The following SLC2A9 variants were observed in gnomAD, a reference collection of about 807,000 sequenced individuals.
SLC2A9 encodes the protein solute carrier family 2, facilitated glucose transporter member 9.
Under a neutral mutation model 50.6 loss-of-function variants are expected in SLC2A9, and 39 were observed. The observed-to-expected ratio is 0.77, with a 90% CI of 0.60 to 1.01. SLC2A9 has a LOEUF of 1.01. SLC2A9 is among the 50% of genes least tolerant of loss of function. SLC2A9 has a pLI of 0.00. For missense variants in SLC2A9, 686 were observed against 677.6 expected (o/e 1.01, Z -0.14); for synonymous variants, 324 against 276.9 (o/e 1.17, Z -1.69).
At chr4:9,968,615 C>T (rs1753417954) in intron 5 of SLC2A9, among the ~76,000 whole-genome samples, 1 of 152,266 alleles carries the variant, frequency 6.6e-6, no homozygotes, top group East Asian at 1.9e-4. Context: ...TATCCCCCTG[C>T]TTAAAGTAAT....
intron 2 of SLC2A9, among the ~76,000 whole-genome samples, chr4:10,010,109 A>G (rs1268024007): frequency 2.0e-5 from 3 of 152,222 alleles, no homozygotes; most frequent in Admixed American, 2.0e-4. Flanking sequence ...AAGTGACATC[A>G]GCCCTACCTC....
intron 4 of SLC2A9, among the ~76,000 whole-genome samples, chr4:9,982,061 T>C (rs988043502): frequency 9.9e-5 from 15 of 152,154 alleles, no homozygotes; most frequent in African/African-American, 3.4e-4. Flanking sequence ...TTTGTATTTT[T>C]AGTAGAGACG....
At chr4:9,980,218 T>C in intron 5 of SLC2A9, among the ~76,000 whole-genome samples, 1 of 152,106 alleles carries the variant, frequency 6.6e-6, no homozygotes, top group African/African-American at 2.4e-5. Context: ...ATGCCCAAAA[T>C]ATATTAAATG....
intron 5 of SLC2A9, among the ~76,000 whole-genome samples, chr4:9,947,216 G>C (rs1335657434): frequency 6.6e-6 from 1 of 152,144 alleles, no homozygotes; most frequent in African/African-American, 2.4e-5. Context: ...GAGGGTTCTG[G>C]AGTGTCCCAA....
chr4:9,812,296 C>A (rs1722989774), intron 3 of SLC2A9, among the ~76,000 whole-genome samples: 1 of 152,184 alleles, frequency 6.6e-6, no homozygotes, highest in Non-Finnish European at 1.5e-5. Flanking sequence ...TGCGGCAACT[C>A]CTGGAGATTT....
chr4:9,905,445 CTG>C (rs1305765180), intron 8 of SLC2A9, among the ~76,000 whole-genome samples: 1 of 152,246 alleles, frequency 6.6e-6, no homozygotes, highest in East Asian at 1.9e-4. Flanking sequence ...GTCCAGATGA[CTG>C]AGATCCACTG....
At chr4:9,777,565 G>T (rs544380278), downstream of SLC2A9, among the ~76,000 whole-genome samples, 1 of 152,180 alleles carries the variant, frequency 6.6e-6, no homozygotes, top group African/African-American at 2.4e-5. Context: ...TGTGGCCAGC[G>T]TCTGTGCACC....
chr4:9,771,987 A>T (rs941577233), intron 1 of SLC2A9, among the ~76,000 whole-genome samples: 18 of 152,224 alleles, frequency 1.2e-4, no homozygotes, highest in African/African-American at 3.4e-4. Context: ...GGACAAGCAG[A>T]TTGTGAAGGG....
intron 3 of SLC2A9, among the ~76,000 whole-genome samples, chr4:9,787,406 C>T (rs544195242): frequency 1.4e-4 from 21 of 152,308 alleles, no homozygotes; most frequent in African/African-American, 3.8e-4. Flanking sequence ...CCTTGCAACA[C>T]GGTACAAAGA....
chr4:9,806,756 C>T (rs1354256078), intron 3 of SLC2A9, among the ~76,000 whole-genome samples: 1 of 152,206 alleles, frequency 6.6e-6, no homozygotes, highest in Non-Finnish European at 1.5e-5. Flanking sequence ...GAAACATCAG[C>T]TTTCAAATCC....
At position 9,941,963 on chromosome 4, in the gene SLC2A9, C is replaced by T; in HGVS notation, c.764G>A (p.Ser255Asn). ...QLLSLPFLPD[S>N]PRYLLLEKHN... Reference sequence around the variant, plus strand: ...CTTCTCCAAGAGCAGGTAGCGTGGGCTGTCCGGGAGAAAGGGAAGGCTCAG... The same window carrying T: ...CTTCTCCAAGAGCAGGTAGCGTGGGTTGTCCGGGAGAAAGGGAAGGCTCAG... Residue 255 changes from serine (S) to asparagine (N), a missense_variant, in exon 6 of 12, where the codon AGC becomes AAC. Ser to Asn is a conservative substitution (Grantham distance 46). Transcript: ENST00000264784. The T allele has an allele frequency of 1.9e-6, 3 of 1,614,192 alleles. No homozygotes were observed. The highest frequency in any genetic ancestry group is 1.3e-5 in the African/African-American group (1 of 75,060).
intron 1 of SLC2A9, among the ~76,000 whole-genome samples, chr4:10,029,783 ATTTTTG>A (rs949375328): frequency 1.3e-5 from 2 of 151,452 alleles, no homozygotes; most frequent in South Asian, 2.1e-4. Flanking sequence ...TGCCTGGCTA[ATTTTTG>A]TTTTTGTTTT....
At chr4:9,895,274 G>A (rs1048838965) in intron 8 of SLC2A9, among the ~76,000 whole-genome samples, 3 of 152,152 alleles carry the variant, frequency 2.0e-5, no homozygotes, top group Non-Finnish European at 2.9e-5. Flanking sequence ...AGATGGTCTA[G>A]GAAGACACCA....
chr4:9,805,296 G>C (rs1051363015), intron 3 of SLC2A9, among the ~76,000 whole-genome samples: 1 of 152,224 alleles, frequency 6.6e-6, no homozygotes, highest in Non-Finnish European at 1.5e-5. Context: ...ACAGAAAGGC[G>C]CTGAGCCATG....
intron 5 of SLC2A9, among the ~76,000 whole-genome samples, chr4:9,965,182 CT>C (rs1319850518): frequency 6.6e-6 from 1 of 152,186 alleles, no homozygotes; most frequent in Non-Finnish European, 1.5e-5. Context: ...AGGTTAGCAA[CT>C]TGCCCAAAGT....
At chr4:9,980,545 TA>T in intron 5 of SLC2A9, 46 bp downstream of exon 5, 1 of 1,613,032 alleles carries the variant, frequency 6.2e-7, no homozygotes, top group Non-Finnish European at 8.5e-7. Context: ...CCTGCAGTGG[TA>T]ACATGAGATG....
chr4:9,963,456 G>A (rs983111384), intron 5 of SLC2A9, among the ~76,000 whole-genome samples: 2 of 152,160 alleles, frequency 1.3e-5, no homozygotes, highest in African/African-American at 2.4e-5. Flanking sequence ...CAGACCCCAC[G>A]GTCAGCTCTA....
intron 2 of SLC2A9, among the ~76,000 whole-genome samples, chr4:10,001,747 T>C (rs1759859656): frequency 6.6e-6 from 1 of 152,212 alleles, no homozygotes. Flanking sequence ...TTACCTGACA[T>C]TGACCATTTA....
intron 11 of SLC2A9, among the ~76,000 whole-genome samples, chr4:9,831,518 G>A (rs189532028): frequency 6.6e-6 from 1 of 152,290 alleles, no homozygotes; most frequent in Admixed American, 6.5e-5. Context: ...CATAACATGG[G>A]AAGGGCATCC....
Sources: allele counts gnomAD v4.1 joint callset (sites outside exome capture counted in the v4.1 genomes callset), GRCh38; gene constraint gnomAD v4.1.1; transcripts MANE v1.5; gene names NCBI Gene and HGNC (gene_info 2026-07-23, HGNC 2026-07-21).